The following PDZD8 variants were observed in gnomAD, a reference collection of about 807,000 sequenced individuals.
The protein encoded by PDZD8 is PDZ domain containing 8, also known as PDZ domain-containing protein 8.
A neutral mutation model predicts 85.8 loss-of-function variants in PDZD8; 14 were observed. That is an observed-to-expected ratio of 0.16 (90% CI 0.11 to 0.26). The LOEUF (loss-of-function observed/expected upper bound fraction) is 0.26. PDZD8 is among the 10% of genes least tolerant of loss of function. The probability of loss-of-function intolerance (pLI) is 1.00; values close to 1 mark genes in which losing one functional copy is unlikely to be tolerated. For synonymous variants in PDZD8, 592 were observed against 568.6 expected (o/e 1.04, Z -0.59); for missense variants, 1,197 against 1,424.3 (o/e 0.84, Z 2.57).
chr10:117,362,699 A>C (rs1214175032), intron 1 of PDZD8, among the ~76,000 whole-genome samples: 1 of 152,042 alleles, frequency 6.6e-6, no homozygotes, highest in Non-Finnish European at 1.5e-5. Context: ...TAAGTAGATA[A>C]TTTACTCACT....
At chr10:117,372,257 A>C (rs565849095) in intron 1 of PDZD8, among the ~76,000 whole-genome samples, 1 of 152,376 alleles carries the variant, frequency 6.6e-6, no homozygotes, top group African/African-American at 2.4e-5. Flanking sequence ...TTTTAAAAAA[A>C]TCCCTTCAAA....
intron 3 of PDZD8, among the ~76,000 whole-genome samples, chr10:117,318,153 A>T (rs1844162429): frequency 1.3e-5 from 2 of 152,200 alleles, no homozygotes; most frequent in South Asian, 4.1e-4. Flanking sequence ...CTACTAAAAT[A>T]ATTATTCACT....
At chr10:117,307,620 CACAA>C (rs879856415) in intron 3 of PDZD8, among the ~76,000 whole-genome samples, 5 of 151,986 alleles carry the variant, frequency 3.3e-5, no homozygotes, top group Non-Finnish European at 7.4e-5. Flanking sequence ...ATTGTTTATA[CACAA>C]ACAATTTTCA....
rs924363093 is a variant in PDZD8 at position 117,281,692 on chromosome 10, A to G, written c.*1576T>C. The G allele has an allele frequency of 1.3e-5, 2 of 152,152 alleles. No individual in the cohort carries two copies. The highest frequency in any genetic ancestry group is 2.9e-5 in the Non-Finnish European group (2 of 68,024). The allele number at this position is 152,152 out of a possible 1,614,324, so 9.4% of individuals were successfully genotyped here. ...AAGTATTATTATTCCCATTTTAGAG[A>G]TGGGTCCTTTTGTAACTGCCTATGC... On this transcript the variant is annotated 3_prime_UTR_variant, in exon 5 of 5. Coordinates refer to ENST00000334464, the MANE Select transcript of PDZD8 (RefSeq NM_173791.5).
chr10:117,372,035 T>C (rs1385358253), intron 1 of PDZD8, among the ~76,000 whole-genome samples: 1 of 152,220 alleles, frequency 6.6e-6, no homozygotes, highest in Admixed American at 6.5e-5. Context: ...AGTTCAAGTA[T>C]TGTTCAGTAC....
At chr10:117,333,131 A>AAAAAAAAC (rs1564703040) in intron 2 of PDZD8, among the ~76,000 whole-genome samples, 2 of 149,180 alleles carry the variant, frequency 1.3e-5, no homozygotes, top group Non-Finnish European at 3.0e-5. Context: ...AAAAAAAAAA[A>AAAAAAAAC]AAAAAAAAAA....
chr10:117,350,608 A>C (rs1229947313), intron 1 of PDZD8, among the ~76,000 whole-genome samples: 1 of 151,324 alleles, frequency 6.6e-6, no homozygotes, highest in African/African-American at 2.4e-5. Context: ...AGTTGTTAAA[A>C]ATAGAAATAC....
chr10:117,318,227 G>T (rs1844164187), intron 3 of PDZD8, among the ~76,000 whole-genome samples: 1 of 152,124 alleles, frequency 6.6e-6, no homozygotes, highest in East Asian at 1.9e-4. Flanking sequence ...TCTCTTTAGA[G>T]TCCTATTATC....
chr10:117,287,291 A>C (rs909509834), intron 4 of PDZD8, among the ~76,000 whole-genome samples: 30 of 151,760 alleles, frequency 2.0e-4, no homozygotes, highest in African/African-American at 6.5e-4. Context: ...CTTTTTCTCC[A>C]CCTATACCAC....
intron 4 of PDZD8, among the ~76,000 whole-genome samples, chr10:117,287,760 A>C (rs1171743278): frequency 6.6e-6 from 1 of 152,176 alleles, no homozygotes; most frequent in East Asian, 1.9e-4. Flanking sequence ...CACCAAACAT[A>C]TTGCTACGAA....
chr10:117,302,932 CCT>C (rs1260904315), intron 3 of PDZD8, among the ~76,000 whole-genome samples: 4 of 152,184 alleles, frequency 2.6e-5, no homozygotes, highest in Non-Finnish European at 4.4e-5. Context: ...TCCCATTAAA[CCT>C]CTTTCTTTTG....
chr10:117,375,138 C>T lies in PDZD8; in HGVS notation c.90G>A (p.Gln30=). The change falls in exon 1 of 5, where the codon CAG becomes CAA. Residue 30 remains glutamine (Q), a synonymous_variant. Transcript: ENST00000334464. ...LAQFFLLYRR[Q]PEPPADEAAR... ...CGGCCTCGTCCGCCGGCGGCTCGGG[C>T]TGTCTGCGGTACAGCAGGAAGAACT... The T allele has an allele frequency of 6.3e-7, 1 of 1,590,350 alleles. No individual in the cohort carries two copies. The highest frequency in any genetic ancestry group is 8.5e-7 in the Non-Finnish European group (1 of 1,174,496).
At chr10:117,289,619 G>A (rs1375283800) in intron 4 of PDZD8, among the ~76,000 whole-genome samples, 1 of 152,196 alleles carries the variant, frequency 6.6e-6, no homozygotes, top group Non-Finnish European at 1.5e-5. Context: ...AGGAAGGCAT[G>A]TAAGTGACAC....
rs752018098 is a variant in PDZD8, at chr10:117,285,280, A to G, written c.1453T>C (p.Leu485=). The G allele has an allele frequency of 2.5e-5, 40 of 1,613,956 alleles. No homozygotes were observed. The highest frequency in any genetic ancestry group is 2.6e-5 in the Non-Finnish European group (31 of 1,180,022). Residue 485 remains leucine (L), a synonymous_variant, in exon 5 of 5, where the codon TTG becomes CTG. Coordinates refer to ENST00000334464, the MANE Select transcript of PDZD8 (RefSeq NM_173791.5). The part of the protein sequence containing the change: ...QSGYEEEAAG[L]TVDTESRELD... ...TCTCTACTTTCAGTATCTACTGTCAACCCGGCAGCTTCCTCTTCATAACCC... is the reference window on the plus strand; with the variant it reads ...TCTCTACTTTCAGTATCTACTGTCAGCCCGGCAGCTTCCTCTTCATAACCC...
chr10:117,333,116 T>TAAAAAAAAAAA (rs1564702920), intron 2 of PDZD8, among the ~76,000 whole-genome samples: 1 of 16,804 alleles, frequency 6.0e-5, no homozygotes, highest in Non-Finnish European at 1.0e-4. Flanking sequence ...GGACTCTGTC[T>TAAAAAAAAAAA]CAAAAAAAAA....
intron 1 of PDZD8, among the ~76,000 whole-genome samples, chr10:117,353,494 T>A (rs1844841932): frequency 6.6e-6 from 1 of 152,190 alleles, no homozygotes; most frequent in Non-Finnish European, 1.5e-5. Context: ...TAGTTTATTA[T>A]AAGGAACACT....
intron 3 of PDZD8, among the ~76,000 whole-genome samples, chr10:117,292,510 T>C (rs1166763163): frequency 6.6e-6 from 1 of 152,036 alleles, no homozygotes; most frequent in Non-Finnish European, 1.5e-5. Flanking sequence ...AGCAAATGGG[T>C]AGAAAACCTA....
Position 117,284,881 on chromosome 10 carries a change from T to G in PDZD8, c.1852A>C (p.Lys618Gln). 6.2e-7 allele frequency: 1 copy of G among 1,614,180 alleles called. No individual in the cohort carries two copies. The highest frequency in any genetic ancestry group is 2.2e-5 in the East Asian group (1 of 44,892). ...GGAGGTGGCACCACCTTCTCTGGCT[T>G]TTCAACGAGAACATCTGGTTCTGCC... ...NQAEPDVLVE[K>Q]PEKVVPPPLV... Residue 618 changes from lysine (K) to glutamine (Q), a missense_variant, in exon 5 of 5, where the codon AAG becomes CAG. Transcript: ENST00000334464.
chr10:117,305,499 C>CACAT (rs1843925796), intron 3 of PDZD8, among the ~76,000 whole-genome samples: 1 of 147,858 alleles, frequency 6.8e-6, no homozygotes, highest in South Asian at 2.1e-4. Flanking sequence ...CACACACACA[C>CACAT]ACACACACAC....
Sources: allele counts gnomAD v4.1 joint callset (sites outside exome capture counted in the v4.1 genomes callset), GRCh38; gene constraint gnomAD v4.1.1; transcripts MANE v1.5; gene names NCBI Gene and HGNC (gene_info 2026-07-23, HGNC 2026-07-21).